C9orf57: variants seen among roughly 807,000 people sequenced by gnomAD.
The protein encoded by C9orf57 is chromosome 9 open reading frame 57, also known as uncharacterized protein C9orf57.
In C9orf57, 12 loss-of-function variants were observed where a neutral mutation model predicts 12.9. That is an observed-to-expected ratio of 0.93 (90% CI 0.60 to 1.51). The LOEUF is 1.51. Ranked by LOEUF, C9orf57 falls within the 40% of genes most tolerant of loss-of-function variation. The pLI, the probability that C9orf57 is intolerant of heterozygous loss-of-function variation, is 0.00. For missense variants in C9orf57, 141 were observed against 162.8 expected (o/e 0.87, Z 0.73); for synonymous variants, 49 against 57.1 (o/e 0.86, Z 0.64).
At chr9:72,057,102 A>T (rs182550299) in intron 2 of C9orf57, among the ~76,000 whole-genome samples, 157 of 151,748 alleles carry the variant, frequency 1.0e-3, no homozygotes, top group Non-Finnish European at 1.5e-3. Flanking sequence ...AGTGGGGAGG[A>T]TGGGGTTTCG....
chr9:72,052,345 T>C lies in C9orf57; in HGVS notation c.371A>G (p.His124Arg), dbSNP rs771155562. The change falls in exon 5 of 5, where the codon CAT (histidine) becomes CGT (arginine). Residue 124 changes from histidine (H) to arginine (R), a missense_variant. Coordinates refer to ENST00000651200, the MANE Select transcript of C9orf57 (RefSeq NM_001128618.2). ...GCAGCAGTGAGTAGTTACAAGTTCATGCAGTTGCAGAATTCTCTTGACGAG... is the reference window on the plus strand; with the variant it reads ...GCAGCAGTGAGTAGTTACAAGTTCACGCAGTTGCAGAATTCTCTTGACGAG... ...STLVKRILQL[H>R]ELVTTHCCNH... 2.6e-6 allele frequency: 4 copies of C among 1,551,896 alleles called. No individual in the cohort carries two copies. Among genetic ancestry groups the C allele is most frequent in the Non-Finnish European group, 2.6e-6 (3 of 1,147,016 alleles).
rs1422867284 is a variant in C9orf57, at chr9:72,052,272, G to A, written c.*24C>T. ...GCTTCGAGACTGATTGATCTGCCAAGCATTTTAGATATGGGCCACTGACTC... is the reference window on the plus strand; with the variant it reads ...GCTTCGAGACTGATTGATCTGCCAAACATTTTAGATATGGGCCACTGACTC... On this transcript the variant is annotated 3_prime_UTR_variant, in exon 5 of 5. Coordinates refer to ENST00000651200, the MANE Select transcript of C9orf57 (RefSeq NM_001128618.2). 3 of 1,550,672 alleles carry A rather than the reference G, an allele frequency of 1.9e-6. No individual in the cohort carries two copies. In the East Asian group the frequency reaches 7.3e-5, roughly 38 times the overall value.
chr9:72,055,576 G>C (rs1824181571), intron 4 of C9orf57, among the ~76,000 whole-genome samples: 1 of 151,930 alleles, frequency 6.6e-6, no homozygotes, highest in Non-Finnish European at 1.5e-5. Flanking sequence ...ACAGGTGTGT[G>C]CTACCATGCC....
rs1256004730 is a variant in C9orf57 at position 72,055,933 on chromosome 9, T to C, written c.280+141A>G. The stretch of plus-strand genomic sequence containing the variant: ...AAAATGGGGATAGTGACAGGATCCA[T>C]CCAGCTCTTTTCATTGTTTTGTTGG... On this transcript the variant is annotated intron_variant, in intron 4 of 4. Coordinates refer to ENST00000651200, the MANE Select transcript of C9orf57 (RefSeq NM_001128618.2). 4 of 841,414 alleles carry C rather than the reference T, an allele frequency of 4.8e-6. No homozygotes were observed. The Admixed American group carries it at 9.8e-5, about 21-fold the overall frequency. The allele number at this position is 841,414 out of a possible 1,614,324, so 52.1% of individuals were successfully genotyped here. A position where few individuals can be genotyped will look rare whatever the true frequency, so the allele number is the denominator to read the frequency against.
intron 4 of C9orf57, among the ~76,000 whole-genome samples, chr9:72,052,891 A>C (rs917117058): frequency 2.6e-5 from 4 of 152,234 alleles, no homozygotes; most frequent in Non-Finnish European, 5.9e-5. Context: ...CCCTGATTAA[A>C]GAAGTAATGC....
intron 4 of C9orf57, among the ~76,000 whole-genome samples, chr9:72,054,331 C>T (rs1279047029): frequency 1.3e-5 from 2 of 152,186 alleles, no homozygotes; most frequent in Admixed American, 6.5e-5. Flanking sequence ...TACTATTAAA[C>T]GTAATGCTGC....
In C9orf57 at chr9:72,060,499, A is replaced by G. The variant is rs1220012525; in HGVS notation, c.-56T>C. The G allele has an allele frequency of 4.9e-6, 7 of 1,426,354 alleles. No individual in the cohort carries two copies. The African/African-American group carries it at 5.7e-5, about 12-fold the overall frequency. The allele number at this position is 1,426,354 out of a possible 1,614,324, so 88.4% of individuals were successfully genotyped here. Reference sequence around the variant, plus strand: ...TATTTCAGTTGTTCATGACCTACCTATCTTTTTCATTAAGGTACTATGGAA... The same window carrying G: ...TATTTCAGTTGTTCATGACCTACCTGTCTTTTTCATTAAGGTACTATGGAA... On this transcript the variant is annotated splice_region_variant and 5_prime_UTR_variant, in exon 1 of 5. Coordinates refer to ENST00000651200, the MANE Select transcript of C9orf57 (RefSeq NM_001128618.2).
At position 72,052,210 on chromosome 9, in the gene C9orf57, A is replaced by G; in HGVS notation, c.*86T>C. On this transcript the variant is annotated 3_prime_UTR_variant, in exon 5 of 5. Transcript: ENST00000651200. ...GGTCTGAGGTTTCTGAAGTGGGCTA[A>G]TTGACAATAGCCATCATTTTGTGAT... The G allele has an allele frequency of 7.0e-7, 1 of 1,429,702 alleles. No individual in the cohort carries two copies. The highest frequency in any genetic ancestry group is 2.5e-5 in the East Asian group (1 of 40,114). The allele number at this position is 1,429,702 out of a possible 1,614,324, so 88.6% of individuals were successfully genotyped here.
intron 2 of C9orf57, among the ~76,000 whole-genome samples, chr9:72,058,099 A>T (rs1824245571): frequency 1.3e-5 from 2 of 152,318 alleles, no homozygotes; most frequent in South Asian, 4.1e-4. Context: ...AGCTGAGGGG[A>T]TATGATTTAG....
chr9:72,056,911 A>AT, intron 2 of C9orf57, 68 bp from the exon 3 acceptor site: 2 of 1,170,644 alleles, frequency 1.7e-6, no homozygotes, highest in South Asian at 1.5e-5. Context: ...ATATATGTAT[A>AT]CTTTTTTTTT....
Position 72,052,005 on chromosome 9 carries a change from T to C in C9orf57, c.*291A>G, listed in dbSNP as rs1170498716. 4.9e-5 allele frequency: 15 copies of C among 308,734 alleles called. No individual in the cohort carries two copies. The highest frequency in any genetic ancestry group is 8.4e-5 in the Non-Finnish European group (14 of 167,524). 19.1% of individuals were successfully genotyped at this position (308,734 alleles called of 1,614,324 possible). On this transcript the variant is annotated 3_prime_UTR_variant, in exon 5 of 5. Transcript: ENST00000651200. ...GACATGCCTAGTTTGACTTGGAGAA[T>C]CACTAACATTTTTCCTTCTTTGTAG...
At chr9:72,055,370 CTCCCTCCTTCCTTCCTTCCTTCCTTCCT>C (rs1824171039) in intron 4 of C9orf57, among the ~76,000 whole-genome samples, 1 of 28,626 alleles carries the variant, frequency 3.5e-5, no homozygotes, top group African/African-American at 1.1e-4. Context: ...CCCTCCCTCC[CTCCCTCCTTCCTTCCTTCCTTCCTTCCT>C]TCCTTCCTTC....
intron 2 of C9orf57, 80 bp downstream of exon 2, chr9:72,059,155 A>G: frequency 1.3e-6 from 2 of 1,519,952 alleles, no homozygotes; most frequent in Admixed American, 4.1e-5. Context: ...CTGGGATTAC[A>G]GGCGTGAGCC....
intron 1 of C9orf57, among the ~76,000 whole-genome samples, chr9:72,060,041 A>AATT (rs148166325): frequency 3.6e-4 from 54 of 151,740 alleles, no homozygotes; most frequent in African/African-American, 4.1e-4. Flanking sequence ...CTCCTTTATG[A>AATT]ATTATTATTA....
At chr9:72,052,663 CA>C (rs1419219247) in intron 4 of C9orf57, among the ~76,000 whole-genome samples, 1 of 152,060 alleles carries the variant, frequency 6.6e-6, no homozygotes, top group Non-Finnish European at 1.5e-5. Context: ...AACTGTAAAA[CA>C]AAAAAGCTTT....
intron 4 of C9orf57, among the ~76,000 whole-genome samples, chr9:72,054,734 T>A (rs1437919225): frequency 6.6e-6 from 1 of 152,118 alleles, no homozygotes; most frequent in African/African-American, 2.4e-5. Flanking sequence ...TTGGTCTTTT[T>A]AAAATTGTTT....
At chr9:72,052,929 G>A (rs1261818324) in intron 4 of C9orf57, among the ~76,000 whole-genome samples, 1 of 152,122 alleles carries the variant, frequency 6.6e-6, no homozygotes, top group African/African-American at 2.4e-5. Flanking sequence ...CACAAAAAAT[G>A]CACACAAGAA....
rs143800137 is a variant in C9orf57 at position 72,053,332 on chromosome 9, G to A, written c.281-897C>T. Among the ~76,000 whole-genome samples the A allele has an allele frequency of 3.3e-5, 5 of 152,350 alleles. No homozygotes were observed. In the East Asian group the frequency reaches 9.6e-4, roughly 29 times the overall value. The stretch of plus-strand genomic sequence containing the variant: ...ACTATCAAAAGCATGAGGATCAGTT[G>A]TTTGTCTTGCATTAGTGTAAATGGC... On this transcript the variant is annotated intron_variant, in intron 4 of 4. Transcript: ENST00000651200.
At chr9:72,055,382 T>TTCCC (rs1824173634) in intron 4 of C9orf57, among the ~76,000 whole-genome samples, 1 of 37,388 alleles carries the variant, frequency 2.7e-5, no homozygotes, top group African/African-American at 1.3e-4. Context: ...CCCTCCTTCC[T>TTCCC]TCCTTCCTTC....
Sources: gnomAD v4.1 joint callset for allele counts (sites outside exome capture counted in the v4.1 genomes callset) on GRCh38, gnomAD v4.1.1 for gene constraint, MANE v1.5 for transcripts, NCBI Gene and HGNC (gene_info 2026-07-23, HGNC 2026-07-21) for gene names.